DPY19L3: variants seen among roughly 807,000 people sequenced by gnomAD.
The protein encoded by DPY19L3 is dpy-19 like C-mannosyltransferase 3.
DPY19L3 carries 51 observed loss-of-function variants against 92.3 expected under a neutral mutation model. The ratio of observed to expected loss-of-function variants is 0.55; its 90% CI spans 0.44 to 0.70. The LOEUF (loss-of-function observed/expected upper bound fraction) is 0.70. Among genes scored for constraint, DPY19L3 ranks in the 30% least tolerant of loss-of-function variants. DPY19L3 has a pLI of 0.00. For missense variants in DPY19L3, 706 were observed against 855.9 expected (o/e 0.82, Z 2.18); for synonymous variants, 309 against 315.2 (o/e 0.98, Z 0.21).
intron 17 of DPY19L3, chr19:32,479,497 G>T (rs1970609335): frequency 3.0e-6 from 1 of 338,392 alleles, no homozygotes; most frequent in African/African-American, 2.2e-5. Context: ...CTGAGACCTT[G>T]TGCTGGACTG....
chr19:32,414,424 A>AAAAACAAAC (rs1568323663), intron 3 of DPY19L3, among the ~76,000 whole-genome samples: 1 of 151,008 alleles, frequency 6.6e-6, no homozygotes, highest in Non-Finnish European at 1.5e-5. Context: ...CCAAAAAAAA[A>AAAAACAAAC]AAACAAACAA....
At chr19:32,477,181 A>G (rs184382214) in intron 16 of DPY19L3, among the ~76,000 whole-genome samples, 11 of 152,254 alleles carry the variant, frequency 7.2e-5, no homozygotes, top group Admixed American at 6.5e-4. Flanking sequence ...CTTCTAAGAC[A>G]ATTCCTTATA....
chr19:32,448,089 T>C (rs1969576566), intron 8 of DPY19L3, among the ~76,000 whole-genome samples: 1 of 152,172 alleles, frequency 6.6e-6, no homozygotes, highest in Admixed American at 6.5e-5. Context: ...CGTACTTATA[T>C]CCCTTAAATT....
chr19:32,452,763 G>A (rs1383450647), intron 8 of DPY19L3, among the ~76,000 whole-genome samples: 3 of 151,918 alleles, frequency 2.0e-5, no homozygotes, highest in South Asian at 2.1e-4. Context: ...GCGCATTCTC[G>A]GCTCACTGCA....
intron 12 of DPY19L3, 117 bp downstream of exon 12, chr19:32,458,626 G>C: frequency 9.3e-7 from 1 of 1,072,018 alleles, no homozygotes; most frequent in Non-Finnish European, 1.3e-6. Flanking sequence ...TCATCTTAAA[G>C]GGGGAACATA....
At position 32,450,116 on chromosome 19, in the gene DPY19L3, C is replaced by G. The variant is rs138708508; in HGVS notation, c.856-3029C>G. ...TTCTCCAGGTAAGATACATAAATGT[C>G]CAATAAACACAGGAAAAGATGCTCA... is the stretch of plus-strand genomic sequence containing the variant. On this transcript the variant is annotated intron_variant, in intron 8 of 18. Transcript: ENST00000392250. 2.6e-3 allele frequency among the ~76,000 whole-genome samples: 392 copies of G among 152,144 alleles called. 4 individuals carry two copies. Among genetic ancestry groups the G allele is most frequent in the African/African-American group, 9.0e-3 (372 of 41,496 alleles).
intron 7 of DPY19L3, 105 bp from the exon 8 acceptor site, chr19:32,439,671 T>A: frequency 8.4e-7 from 1 of 1,184,450 alleles, no homozygotes; most frequent in Non-Finnish European, 1.2e-6. Context: ...GTTTATGGTT[T>A]TTCTGTTTGG....
intron 16 of DPY19L3, among the ~76,000 whole-genome samples, chr19:32,470,652 C>A (rs1368387487): frequency 2.0e-5 from 3 of 152,062 alleles, no homozygotes; most frequent in African/African-American, 7.2e-5. Flanking sequence ...AGAGATGATT[C>A]CAGGTGTAAA....
chr19:32,456,578 T>C (rs2145573378), intron 10 of DPY19L3, among the ~76,000 whole-genome samples: 1 of 151,426 alleles, frequency 6.6e-6, no homozygotes, highest in South Asian at 2.1e-4. Flanking sequence ...GGACTACAGG[T>C]GTGTGCCACC....
intron 3 of DPY19L3, among the ~76,000 whole-genome samples, chr19:32,413,557 G>A (rs10469316): frequency 0.03 from 4,534 of 151,030 alleles, 227 homozygotes; most frequent in African/African-American, 0.1. Flanking sequence ...CCACTAACTC[G>A]TCATCTAGCA....
intron 8 of DPY19L3, 118 bp downstream of exon 8, chr19:32,440,028 G>A (rs1343787352): frequency 2.9e-6 from 4 of 1,359,892 alleles, no homozygotes; most frequent in Non-Finnish European, 3.0e-6. Flanking sequence ...TCTTAGATCT[G>A]CTGTAAATTT....
intron 4 of DPY19L3, among the ~76,000 whole-genome samples, chr19:32,435,777 T>C (rs1382156275): frequency 1.3e-5 from 2 of 152,234 alleles, no homozygotes. Context: ...CATTCATGCC[T>C]TGGATTAATT....
intron 16 of DPY19L3, among the ~76,000 whole-genome samples, chr19:32,473,938 G>C (rs1464951723): frequency 1.3e-5 from 2 of 152,132 alleles, no homozygotes; most frequent in Admixed American, 6.5e-5. Context: ...CAGGTAGTGG[G>C]ACTACAGGCA....
At chr19:32,457,935 C>T (rs1261509185) in intron 10 of DPY19L3, among the ~76,000 whole-genome samples, 165 bp from the exon 11 acceptor site, 1 of 152,154 alleles carries the variant, frequency 6.6e-6, no homozygotes, top group Admixed American at 6.5e-5. Context: ...GAAGTCCCTG[C>T]TTTGGAATTC....
In DPY19L3 at chr19:32,437,354, G is replaced by A. The variant is rs1313142909; in HGVS notation, c.596+15G>A. On this transcript the variant is annotated intron_variant, in intron 6 of 18. Coordinates refer to ENST00000392250, the MANE Select transcript of DPY19L3 (RefSeq NM_001172774.2). ...GTCACAAATAGGTGAGTTGGAGTCAGTATGCTTCTTTTTTTTCCAAAATGT... is the reference window on the plus strand; with the variant it reads ...GTCACAAATAGGTGAGTTGGAGTCAATATGCTTCTTTTTTTTCCAAAATGT... The A allele has an allele frequency of 1.3e-6, 2 of 1,586,862 alleles. No homozygotes were observed. The highest frequency in any genetic ancestry group is 1.4e-5 in the African/African-American group (1 of 73,468).
At position 32,482,127 on chromosome 19, in the gene DPY19L3, C is replaced by G; in HGVS notation, c.2038C>G (p.His680Asp). 1 of 1,613,766 alleles carries G rather than the reference C, an allele frequency of 6.2e-7. No homozygotes were observed. Among genetic ancestry groups the G allele is most frequent in the African/African-American group, 1.3e-5 (1 of 74,990 alleles). ...ENDPDLKPAD[H>D]PRFCEEIKRN... ...TGATCCTGATTTGAAACCTGCAGAC[C>G]ACCCTCGCTTCTGTGAAGAGATCAA... Residue 680 changes from histidine (H) to aspartate (D), a missense_variant, in exon 19 of 19, where the codon CAC (histidine) becomes GAC (aspartate). By Grantham distance (81) the His-to-Asp change is moderately conservative. Transcript: ENST00000392250.
intron 12 of DPY19L3, among the ~76,000 whole-genome samples, chr19:32,461,795 C>T (rs1382929695): frequency 6.6e-6 from 1 of 152,112 alleles, no homozygotes; most frequent in Non-Finnish European, 1.5e-5. Flanking sequence ...AACTAGTAGC[C>T]TTTACTGTTG....
chr19:32,459,736 G>A (rs905415236), intron 12 of DPY19L3, among the ~76,000 whole-genome samples: 1 of 152,140 alleles, frequency 6.6e-6, no homozygotes, highest in African/African-American at 2.4e-5. Context: ...GCCATCTCTG[G>A]AGGCTGATTG....
intron 3 of DPY19L3, among the ~76,000 whole-genome samples, chr19:32,419,762 C>G (rs1968502680): frequency 6.6e-6 from 1 of 152,060 alleles, no homozygotes; most frequent in African/African-American, 2.4e-5. Context: ...TGCCTATCTT[C>G]AGAGCCCAAA....
Sources: allele counts gnomAD v4.1 joint callset (sites outside exome capture counted in the v4.1 genomes callset), GRCh38; gene constraint gnomAD v4.1.1; transcripts MANE v1.5; gene names NCBI Gene and HGNC (gene_info 2026-07-23, HGNC 2026-07-21).